Variants in TENM2 observed in about 807,000 individuals in gnomAD.
The protein encoded by TENM2 is teneurin transmembrane protein 2.
A neutral mutation model predicts 245.2 loss-of-function variants in TENM2; 52 were observed. The ratio of observed to expected loss-of-function variants is 0.21; its 90% CI spans 0.17 to 0.27. TENM2 has a LOEUF of 0.27. Among genes scored for constraint, TENM2 ranks in the 10% least tolerant of loss-of-function variants. The probability of loss-of-function intolerance (pLI) is 1.00; values close to 1 mark genes in which losing one functional copy is unlikely to be tolerated. For synonymous variants in TENM2, 1,363 were observed against 1,438.9 expected (o/e 0.95, Z 1.19); for missense variants, 3,046 against 3,666.8 (o/e 0.83, Z 4.37).
chr5:167,018,410 A>C, the TENM2 span, among the ~76,000 whole-genome samples: 7 of 151,336 alleles, frequency 4.6e-5, no homozygotes, highest in African/African-American at 9.7e-5. Context: ...AAAAAAACCC[A>C]CCAAAAAAAC....
At chr5:167,834,640 CTT>C (rs555150513) in intron 2 of TENM2, among the ~76,000 whole-genome samples, 1,411 of 129,444 alleles carry the variant, frequency 0.011, 9 homozygotes, top group African/African-American at 0.037. Flanking sequence ...TGTACAATTT[CTT>C]TTTTTTTTTT....
intron 2 of TENM2, among the ~76,000 whole-genome samples, chr5:167,799,909 C>T (rs180991496): frequency 6.6e-6 from 1 of 152,180 alleles, no homozygotes; most frequent in African/African-American, 2.4e-5. Flanking sequence ...GGGGCCCATC[C>T]CCAGAAGTTC....
chr5:167,587,655 C>T (rs1297531983), intron 2 of TENM2, among the ~76,000 whole-genome samples: 2 of 152,096 alleles, frequency 1.3e-5, no homozygotes, highest in Non-Finnish European at 2.9e-5. Flanking sequence ...TAGTTAATTC[C>T]CTACATCTCC....
At chr5:167,331,175 G>T (rs1224326045) in intron 1 of TENM2, among the ~76,000 whole-genome samples, 1 of 144,160 alleles carries the variant, frequency 6.9e-6, no homozygotes, top group Non-Finnish European at 1.5e-5. Flanking sequence ...GGCAGAGACT[G>T]CAGTGAGCCG....
intron 2 of TENM2, among the ~76,000 whole-genome samples, chr5:167,514,568 G>A (rs1770186793): frequency 6.6e-6 from 1 of 152,190 alleles, no homozygotes; most frequent in African/African-American, 2.4e-5. Flanking sequence ...GCAAGCAATT[G>A]TTAGAAAATA....
At position 167,413,945 on chromosome 5, in the gene TENM2, C is replaced by T. The variant is rs149255343; in HGVS notation, c.502+38472C>T. 2.1e-4 allele frequency among the ~76,000 whole-genome samples: 32 copies of T among 152,160 alleles called. No homozygotes were observed. In the East Asian group the frequency reaches 4.4e-3, roughly 21 times the overall value. On this transcript the variant is annotated intron_variant, in intron 2 of 28. Coordinates refer to ENST00000518659, the Ensembl canonical transcript of TENM2. ...TAACGTTTCTCAGTAATGAACAAAG[C>T]TGTTGTATATTGATGAAAGGAAAAT...
intron 2 of TENM2, among the ~76,000 whole-genome samples, chr5:167,430,081 C>A (rs1176078859): frequency 6.6e-6 from 1 of 151,986 alleles, no homozygotes; most frequent in Admixed American, 6.6e-5. Flanking sequence ...AGTACAGGGG[C>A]AAAATCATCT....
chr5:167,186,595 A>G, the TENM2 span, among the ~76,000 whole-genome samples: 1 of 152,172 alleles, frequency 6.6e-6, no homozygotes, highest in African/African-American at 2.4e-5. Flanking sequence ...CCTTGGGACA[A>G]TGTGTAGTTG....
chr5:168,007,492 G>A (rs966424734), intron 5 of TENM2, among the ~76,000 whole-genome samples: 3 of 152,084 alleles, frequency 2.0e-5, no homozygotes, highest in African/African-American at 2.4e-5. Context: ...TCGGTGCTAC[G>A]CCACCCTGCA....
intron 2 of TENM2, among the ~76,000 whole-genome samples, chr5:167,776,616 A>AAAAAAAAC (rs1561769421): frequency 7.1e-5 from 7 of 98,878 alleles, no homozygotes; most frequent in African/African-American, 3.1e-4. Flanking sequence ...AAAAAAAAAA[A>AAAAAAAAC]AAAAAAAAAA....
At chr5:167,294,620 A>C (rs916877359) in intron 1 of TENM2, among the ~76,000 whole-genome samples, 5 of 152,118 alleles carry the variant, frequency 3.3e-5, no homozygotes. Context: ...GACCTCCTTT[A>C]TGTCCCCTAA....
At chr5:167,254,553 T>C in the TENM2 span, among the ~76,000 whole-genome samples, 2 of 152,166 alleles carry the variant, frequency 1.3e-5, no homozygotes, top group African/African-American at 4.8e-5. Context: ...TCTGCAAGTA[T>C]TTATTGGACT....
intron 2 of TENM2, among the ~76,000 whole-genome samples, chr5:167,398,083 G>A (rs575643229): frequency 1.3e-5 from 2 of 152,194 alleles, no homozygotes; most frequent in South Asian, 2.1e-4. Flanking sequence ...CTAGCTCTGC[G>A]ACTAACTAGC....
intron 2 of TENM2, among the ~76,000 whole-genome samples, chr5:167,827,557 C>G (rs892252234): frequency 7.7e-6 from 1 of 130,288 alleles, no homozygotes; most frequent in Non-Finnish European, 1.5e-5. Flanking sequence ...ATTGTAGCAC[C>G]TGCAGCTGAA....
intron 12 of TENM2, among the ~76,000 whole-genome samples, chr5:168,131,559 G>A (rs773154556): frequency 1.1e-4 from 17 of 152,182 alleles, no homozygotes; most frequent in Non-Finnish European, 4.4e-5. Context: ...ATGATCCGAT[G>A]TGCTGATTAA....
At chr5:168,172,505 G>C (rs188934681) in intron 13 of TENM2, among the ~76,000 whole-genome samples, 90 of 152,234 alleles carry the variant, frequency 5.9e-4, no homozygotes, top group Middle Eastern at 6.8e-3. Context: ...AGAACAAGTG[G>C]CTTGTCCAAG....
chr5:167,002,236 A>G, the TENM2 span, among the ~76,000 whole-genome samples: 254 of 152,284 alleles, frequency 1.7e-3, 2 homozygotes, highest in Middle Eastern at 0.01. Flanking sequence ...TAACTTGAAA[A>G]ACCATCTATA....
At chr5:168,190,508 G>A (rs1481424722) in exon 14 of TENM2, 3 of 1,614,024 alleles carry the variant, frequency 1.9e-6, no homozygotes, top group Non-Finnish European at 1.7e-6. Flanking sequence ...GGCAAGGATA[G>A]CACCCACATC....
the TENM2 span, among the ~76,000 whole-genome samples, chr5:167,193,911 T>C: frequency 6.6e-6 from 1 of 152,052 alleles, no homozygotes; most frequent in African/African-American, 2.4e-5. Flanking sequence ...TCAGCAAACA[T>C]AATTTTTTAT....
Sources: gnomAD v4.1 joint callset for allele counts (sites outside exome capture counted in the v4.1 genomes callset) on GRCh38, gnomAD v4.1.1 for gene constraint, MANE v1.5 for transcripts, NCBI Gene and HGNC (gene_info 2026-07-23, HGNC 2026-07-21) for gene names.